IFRD1: variants seen among roughly 807,000 people sequenced by gnomAD.
The protein encoded by IFRD1 is interferon-related developmental regulator 1.
IFRD1 carries 35 observed loss-of-function variants against 52.9 expected under a neutral mutation model. That is an observed-to-expected ratio of 0.66 (90% CI 0.51 to 0.88). IFRD1 has a LOEUF of 0.88. Ranked by LOEUF, IFRD1 falls within the 40% of genes least tolerant of loss-of-function variation. IFRD1 has a pLI of 0.00. For missense variants in IFRD1, 517 were observed against 550.8 expected (o/e 0.94, Z 0.61); for synonymous variants, 184 against 188.4 (o/e 0.98, Z 0.19).
intron 1 of IFRD1, among the ~76,000 whole-genome samples, chr7:112,451,701 C>T (rs1015758578): frequency 2.0e-5 from 3 of 152,068 alleles, no homozygotes; most frequent in Admixed American, 1.3e-4. Context: ...AATTGGAAGG[C>T]CCTTCTAGGA....
intron 4 of IFRD1, chr7:112,458,141 C>T (rs6945176): frequency 0.16 from 24,875 of 151,862 alleles, 2,193 homozygotes; most frequent in South Asian, 0.31. Flanking sequence ...TTAAAAATTC[C>T]ATTTTAGTTT....
At chr7:112,457,062 C>G in intron 4 of IFRD1, 24 bp downstream of exon 4, 1 of 1,610,928 alleles carries the variant, frequency 6.2e-7, no homozygotes, top group Non-Finnish European at 8.5e-7. Context: ...TTTTGAGTCA[C>G]AGACGTACAA....
chr7:112,443,458 C>T (rs1335667931), intron 1 of IFRD1, among the ~76,000 whole-genome samples: 1 of 152,020 alleles, frequency 6.6e-6, no homozygotes, highest in African/African-American at 2.4e-5. Flanking sequence ...TGTATCCCAG[C>T]TACTCAGGAG....
rs534086692 is a variant in IFRD1 at position 112,476,223 on chromosome 7, T to C, written c.*704T>C. The C allele has an allele frequency of 9.7e-4, 148 of 152,382 alleles. No homozygotes were observed. The highest frequency in any genetic ancestry group is 3.2e-3 in the African/African-American group (134 of 41,576). 9.4% of individuals were successfully genotyped at this position (152,382 alleles called of 1,614,324 possible). A position where few individuals can be genotyped will look rare whatever the true frequency, so the allele number is the denominator to read the frequency against. ...TCTCTTCTAATAGAAGAAATATTAT[T>C]TATGGCTTTGAGGTACAGAGTCCAA... is the stretch of plus-strand genomic sequence containing the variant. On this transcript the variant is annotated 3_prime_UTR_variant, in exon 12 of 12. Coordinates refer to ENST00000403825, the MANE Select transcript of IFRD1 (RefSeq NM_001550.4).
At chr7:112,462,424 A>G (rs565789366) in intron 8 of IFRD1, 46 bp downstream of exon 8, 3 of 1,293,168 alleles carry the variant, frequency 2.3e-6, no homozygotes, top group South Asian at 1.2e-5. Context: ...CACAAGGCCC[A>G]TTGTTCCATC....
intron 1 of IFRD1, among the ~76,000 whole-genome samples, chr7:112,439,650 C>T (rs929336727): frequency 6.6e-6 from 1 of 152,062 alleles, no homozygotes; most frequent in African/African-American, 2.4e-5. Context: ...ATGACAACAT[C>T]CAGAAAAAGA....
chr7:112,448,597 C>A (rs1795081614), upstream of IFRD1, among the ~76,000 whole-genome samples: 1 of 152,226 alleles, frequency 6.6e-6, no homozygotes, highest in African/African-American at 2.4e-5. Context: ...CACAACCTGC[C>A]TCCGTATTTG....
rs369365976 is a variant in IFRD1, at chr7:112,472,842, A to G, written c.1247A>G (p.Lys416Arg). ...MLDAATLKTM[K>R]ISRFERHLYN... ...GATGCTGCAACGCTTAAAACGATGAAGATTTCTCGTTTCGAAAGGGTAGGT... is the reference window on the plus strand; with the variant it reads ...GATGCTGCAACGCTTAAAACGATGAGGATTTCTCGTTTCGAAAGGGTAGGT... Residue 416 changes from lysine to arginine, a missense_variant, in exon 11 of 12, where the codon AAG becomes AGG. Lys to Arg is a conservative substitution (Grantham distance 26, BLOSUM62 2). Transcript: ENST00000403825. 34 of 1,612,502 alleles carry G rather than the reference A, an allele frequency of 2.1e-5. No individual in the cohort carries two copies. The highest frequency in any genetic ancestry group is 2.8e-5 in the Non-Finnish European group (33 of 1,178,624).
intron 8 of IFRD1, among the ~76,000 whole-genome samples, chr7:112,465,492 G>A (rs1409105319): frequency 6.6e-6 from 1 of 152,106 alleles, no homozygotes; most frequent in Non-Finnish European, 1.5e-5. Context: ...CCAGTTTGTT[G>A]TATTTATATT....
intron 1 of IFRD1, among the ~76,000 whole-genome samples, chr7:112,424,677 A>T (rs1794392009): frequency 6.6e-6 from 1 of 151,778 alleles, no homozygotes; most frequent in Non-Finnish European, 1.5e-5. Context: ...AGCCTCCCAA[A>T]GTGCTGGGAT....
At chr7:112,434,195 G>A (rs1794615944) in intron 1 of IFRD1, among the ~76,000 whole-genome samples, 1 of 152,166 alleles carries the variant, frequency 6.6e-6, no homozygotes, top group Non-Finnish European at 1.5e-5. Flanking sequence ...GTATTGAAGA[G>A]TCATAGTCTA....
intron 1 of IFRD1, among the ~76,000 whole-genome samples, chr7:112,428,093 C>T (rs1389902695): frequency 6.6e-6 from 1 of 152,076 alleles, no homozygotes; most frequent in African/African-American, 2.4e-5. Context: ...AATTCTCAGC[C>T]AAGAGGTCAG....
rs1413642553 is a variant in IFRD1, at chr7:112,454,858, T to G, written c.95-905T>G. ...AATAATTATTTCATCTTCATATCAG[T>G]TTTTTTTTTTTTTTTTTTTTTTTTT... On this transcript the variant is annotated intron_variant, in intron 1 of 11. Coordinates refer to ENST00000403825, the MANE Select transcript of IFRD1 (RefSeq NM_001550.4). Among the ~76,000 whole-genome samples, 13 of 11,314 alleles carry G rather than the reference T, an allele frequency of 1.1e-3. No individual in the cohort carries two copies. The South Asian group carries it at 0.012, about 11-fold the overall frequency. 7.4% of individuals were successfully genotyped at this position (11,314 alleles called of 152,430 possible).
intron 9 of IFRD1, 80 bp from the exon 10 acceptor site, chr7:112,472,139 C>G: frequency 7.2e-7 from 1 of 1,388,240 alleles, no homozygotes; most frequent in Admixed American, 1.7e-5. Context: ...ATGTATATGA[C>G]TGTTTAGAAA....
Position 112,463,537 on chromosome 7 carries a change from A to G in IFRD1, c.906+1159A>G, listed in dbSNP as rs574709290. 2.6e-5 allele frequency among the ~76,000 whole-genome samples: 4 copies of G among 152,246 alleles called. No individual in the cohort carries two copies. In the East Asian group the frequency reaches 5.8e-4, roughly 22 times the overall value. On this transcript the variant is annotated intron_variant, in intron 8 of 11. Coordinates refer to ENST00000403825, the MANE Select transcript of IFRD1 (RefSeq NM_001550.4). ...GTAGGTAGGAATGGAAAGTAAGTTA[A>G]TGTTGTCAGTAGCTAATAATTCTCC...
chr7:112,454,622 A>G (rs554899604), intron 1 of IFRD1, among the ~76,000 whole-genome samples: 21 of 152,190 alleles, frequency 1.4e-4, no homozygotes, highest in Admixed American at 4.6e-4. Context: ...CTCTCACTTC[A>G]AGTTGTCTTT....
intron 8 of IFRD1, among the ~76,000 whole-genome samples, chr7:112,464,789 G>A (rs1466683187): frequency 2.0e-5 from 3 of 152,120 alleles, no homozygotes. Flanking sequence ...ACCTTTTCCA[G>A]GTCTCACCCA....
intron 1 of IFRD1, among the ~76,000 whole-genome samples, chr7:112,439,228 T>C (rs535665766): frequency 5.3e-5 from 8 of 152,356 alleles, no homozygotes; most frequent in Admixed American, 3.3e-4. Flanking sequence ...TGTTCGTACA[T>C]TGTATGTACA....
At chr7:112,465,467 A>C (rs1156587353) in intron 8 of IFRD1, among the ~76,000 whole-genome samples, 1 of 152,200 alleles carries the variant, frequency 6.6e-6, no homozygotes, top group African/African-American at 2.4e-5. Context: ...CTATGAAATA[A>C]TTATCTTCAG....
Sources: allele counts gnomAD v4.1 joint callset (sites outside exome capture counted in the v4.1 genomes callset), GRCh38; gene constraint gnomAD v4.1.1; transcripts MANE v1.5; gene names NCBI Gene and HGNC (gene_info 2026-07-23, HGNC 2026-07-21).